ACVR2A: variants seen among roughly 807,000 people sequenced by gnomAD.
The protein encoded by ACVR2A is activin receptor type-2A.
In ACVR2A, 7 loss-of-function variants were observed where a neutral mutation model predicts 61.4. That is an observed-to-expected ratio of 0.11 (90% confidence interval 0.06 to 0.21). The LOEUF is 0.21. ACVR2A is among the 10% of genes least tolerant of loss of function. The pLI is 1.00. For missense variants in ACVR2A, 322 were observed against 621.7 expected, an observed-to-expected ratio of 0.52 and a Z score of 5.13; for synonymous variants, 193 against 208.3, an observed-to-expected ratio of 0.93 and a Z score of 0.63.
intron 1 of ACVR2A, among the ~76,000 whole-genome samples, chr2:147,852,613 G>C (rs1216323564): frequency 1.3e-5 from 2 of 152,064 alleles, no homozygotes; most frequent in African/African-American, 4.8e-5. Flanking sequence ...CCCTGATTAA[G>C]GTCTTCTCTC....
intron 1 of ACVR2A, among the ~76,000 whole-genome samples, chr2:147,885,722 A>G (rs1014023829): frequency 9.9e-5 from 15 of 152,138 alleles, no homozygotes; most frequent in Admixed American, 9.8e-4. Context: ...CTCAAAAAGA[A>G]AGTAACGAGA....
intron 1 of ACVR2A, among the ~76,000 whole-genome samples, chr2:147,855,269 GCA>G (rs1415007740): frequency 6.6e-6 from 1 of 152,114 alleles, no homozygotes; most frequent in Non-Finnish European, 1.5e-5. Context: ...CCAATGCATG[GCA>G]CAGTTTCTGG....
At chr2:147,852,018 C>T (rs531791736) in intron 1 of ACVR2A, among the ~76,000 whole-genome samples, 13 of 152,054 alleles carry the variant, frequency 8.5e-5, no homozygotes, top group African/African-American at 2.9e-4. Flanking sequence ...TCAGTGGTGA[C>T]ATTTTATTAA....
chr2:147,870,367 G>T (rs140964417), intron 1 of ACVR2A, among the ~76,000 whole-genome samples: 1 of 151,960 alleles, frequency 6.6e-6, no homozygotes, highest in Admixed American at 6.6e-5. Flanking sequence ...CTATGTATCT[G>T]CCCTTTTTTG....
intron 9 of ACVR2A, among the ~76,000 whole-genome samples, chr2:147,923,397 A>T (rs895812995): frequency 1.3e-5 from 2 of 152,018 alleles, no homozygotes; most frequent in African/African-American, 4.8e-5. Context: ...TTTACATATG[A>T]GGAAATTGAG....
At chr2:147,864,110 G>A (rs568582375) in intron 1 of ACVR2A, among the ~76,000 whole-genome samples, 21 of 152,228 alleles carry the variant, frequency 1.4e-4, no homozygotes, top group African/African-American at 3.9e-4. Context: ...AGATAAGTAC[G>A]AATAGTTCTG....
intron 1 of ACVR2A, among the ~76,000 whole-genome samples, chr2:147,875,984 A>G (rs536416792): frequency 6.6e-6 from 1 of 152,260 alleles, no homozygotes; most frequent in East Asian, 1.9e-4. Flanking sequence ...CTGAAAGATT[A>G]TGTGGCAAAA....
At chr2:147,857,532 T>TAAA (rs1003153545) in intron 1 of ACVR2A, among the ~76,000 whole-genome samples, 8 of 111,474 alleles carry the variant, frequency 7.2e-5, no homozygotes, top group Admixed American at 1.9e-4. Context: ...TGGTTTTCTT[T>TAAA]AAAAAAAAAA....
At chr2:147,846,551 T>C (rs1685318270) in intron 1 of ACVR2A, among the ~76,000 whole-genome samples, 1 of 152,168 alleles carries the variant, frequency 6.6e-6, no homozygotes, top group Non-Finnish European at 1.5e-5. Context: ...CCGGGTGGGC[T>C]GAATGTGTTG....
intron 1 of ACVR2A, among the ~76,000 whole-genome samples, chr2:147,852,440 G>A (rs1375318404): frequency 6.6e-6 from 1 of 151,980 alleles, no homozygotes; most frequent in Non-Finnish European, 1.5e-5. Flanking sequence ...CTTATTTCCT[G>A]TATTCAGTAC....
chr2:147,884,180 A>G (rs1456434239), intron 1 of ACVR2A, among the ~76,000 whole-genome samples: 1 of 152,156 alleles, frequency 6.6e-6, no homozygotes, highest in South Asian at 2.1e-4. Context: ...CATTTAAAAA[A>G]CTAGCCTATA....
intron 4 of ACVR2A, among the ~76,000 whole-genome samples, chr2:147,911,934 G>C (rs983575403): frequency 1.1e-4 from 17 of 151,900 alleles, no homozygotes; most frequent in African/African-American, 4.1e-4. Context: ...AACAGGGGTC[G>C]ATTTTCTAAT....
intron 9 of ACVR2A, among the ~76,000 whole-genome samples, chr2:147,925,006 T>G (rs1287200397): frequency 6.6e-6 from 1 of 152,008 alleles, no homozygotes; most frequent in Non-Finnish European, 1.5e-5. Flanking sequence ...GACCCCTTTA[T>G]GATTCATTGT....
In ACVR2A at chr2:147,926,125, G is replaced by A. The variant is rs779210533; in HGVS notation, c.1311G>A (p.Lys437=). ...AGGAAGTTGTTGTGCATAAAAAAAA[G>A]AGGCCTGTTTTAAGAGATTATTGGC... ...DMQEVVVHKK[K]RPVLRDYWQK... The change falls in exon 10 of 11, where the codon AAG becomes AAA. Residue 437 remains lysine (K), a synonymous_variant. Transcript: ENST00000241416. The A allele has an allele frequency of 8.1e-6, 13 of 1,611,664 alleles. No individual in the cohort carries two copies. The highest frequency in any genetic ancestry group is 3.3e-4 in the Middle Eastern group (2 of 6,072).
rs763262059 is a variant in ACVR2A at position 147,899,441 on chromosome 2, T to A, written c.264-17T>A. On this transcript the variant is annotated splice_polypyrimidine_tract_variant and intron_variant, in intron 2 of 10. Coordinates refer to ENST00000241416, the MANE Select transcript of ACVR2A (RefSeq NM_001616.5). ...AATAATATTGATTTTAATTATTTTT[T>A]CTCTGCTTATTTATAGGACTGATTG... The A allele has an allele frequency of 6.4e-7, 1 of 1,557,600 alleles. No homozygotes were observed. Among genetic ancestry groups the A allele is most frequent in the Non-Finnish European group, 8.8e-7 (1 of 1,141,944 alleles).
intron 4 of ACVR2A, among the ~76,000 whole-genome samples, chr2:147,909,381 GATGAATGAATGA>G (rs764824252): frequency 6.6e-6 from 1 of 151,980 alleles, no homozygotes; most frequent in African/African-American, 2.4e-5. Flanking sequence ...AAATTTGTTG[GATGAATGAATGA>G]ATGAATGAAT....
intron 1 of ACVR2A, among the ~76,000 whole-genome samples, chr2:147,859,859 T>C (rs1172715448): frequency 6.6e-6 from 1 of 152,170 alleles, no homozygotes; most frequent in East Asian, 1.9e-4. Context: ...CAACTGAGAT[T>C]GAAACAGAAG....
Position 147,929,379 on chromosome 2 carries a change from T to TAAAC in ACVR2A, c.*2109_*2112dup, listed in dbSNP as rs1553447666. Reference sequence around the variant, plus strand: ...AACATTTAACTTTCTTTTTAAAAGTTAAACAAAAATAAACAAGGGATATTA... The same window carrying TAAAC: ...AACATTTAACTTTCTTTTTAAAAGTTAAACAAACAAAAATAAACAAGGGATATTA... On this transcript the variant is annotated 3_prime_UTR_variant, in exon 11 of 11. Transcript: ENST00000241416. The TAAAC allele has an allele frequency of 6.6e-6, 1 of 151,918 alleles. No individual in the cohort carries two copies. Among genetic ancestry groups the TAAAC allele is most frequent in the Non-Finnish European group, 1.5e-5 (1 of 67,942 alleles). The allele number at this position is 151,918 out of a possible 1,614,324, so 9.4% of individuals were successfully genotyped here.
chr2:147,876,080 G>C (rs1351608058), intron 1 of ACVR2A, among the ~76,000 whole-genome samples: 1 of 152,110 alleles, frequency 6.6e-6, no homozygotes, highest in Non-Finnish European at 1.5e-5. Context: ...AGCTTTATTA[G>C]ATACTGAGTA....
Sources: allele counts gnomAD v4.1 joint callset (sites outside exome capture counted in the v4.1 genomes callset), GRCh38; gene constraint gnomAD v4.1.1; transcripts MANE v1.5; gene names NCBI Gene and HGNC (gene_info 2026-07-23, HGNC 2026-07-21).